Variants in FIGN observed in about 807,000 individuals in gnomAD.
FIGN encodes fidgetin.
A neutral mutation model predicts 51.3 loss-of-function variants in FIGN; 11 were observed. That is an observed-to-expected ratio of 0.21 (90% CI 0.13 to 0.35). The LOEUF (loss-of-function observed/expected upper bound fraction) is 0.35. Among genes scored for constraint, FIGN ranks in the 10% least tolerant of loss-of-function variants. FIGN has a pLI of 1.00. For synonymous variants in FIGN, 407 were observed against 363.2 expected (o/e 1.12, Z -1.37); for missense variants, 857 against 943.6 (o/e 0.91, Z 1.20).
chr2:163,610,560 C>A lies in FIGN; in HGVS notation c.1272G>T (p.Ser424=). 6.2e-7 allele frequency: 1 copy of A among 1,614,106 alleles called. No homozygotes were observed. Among genetic ancestry groups the A allele is most frequent in the Non-Finnish European group, 8.5e-7 (1 of 1,180,032 alleles). Reference sequence around the variant, plus strand: ...CGTCCCCATGCTCACTCATTACTGGCGATGTGTACTTCCCAAAGGATTCAC... The same window carrying A: ...CGTCCCCATGCTCACTCATTACTGGAGATGTGTACTTCCCAAAGGATTCAC... ...RSSESFGKYT[S]PVMSEHGDEH... is the part of the protein sequence containing the mutation. Residue 424 remains serine (S), a synonymous_variant, in exon 3 of 3, where the codon TCG becomes TCT. Coordinates refer to ENST00000333129, the MANE Select transcript of FIGN (RefSeq NM_018086.4).
chr2:163,682,427 G>A (rs559408245), intron 2 of FIGN, among the ~76,000 whole-genome samples: 2 of 152,328 alleles, frequency 1.3e-5, no homozygotes, highest in African/African-American at 2.4e-5. Context: ...TGTCTATGCT[G>A]GAGGAGATAT....
chr2:163,654,053 A>C, intron 2 of FIGN, among the ~76,000 whole-genome samples: 1 of 152,150 alleles, frequency 6.6e-6, no homozygotes, highest in East Asian at 1.9e-4. Context: ...ATTTTGAAGA[A>C]GTGAGAATCT....
At chr2:163,660,722 T>C (rs1465036597) in intron 2 of FIGN, among the ~76,000 whole-genome samples, 2 of 112,944 alleles carry the variant, frequency 1.8e-5, no homozygotes, top group Non-Finnish European at 3.6e-5. Flanking sequence ...TATACATATA[T>C]ATGTATACAC....
chr2:163,664,345 AGATGCT>A (rs1357046920), intron 2 of FIGN, among the ~76,000 whole-genome samples: 1 of 152,232 alleles, frequency 6.6e-6, no homozygotes. Context: ...CCAGTTATAC[AGATGCT>A]GAATACTTTT....
At chr2:163,699,477 G>A (rs988626816) in intron 2 of FIGN, among the ~76,000 whole-genome samples, 2 of 142,106 alleles carry the variant, frequency 1.4e-5, no homozygotes, top group Non-Finnish European at 3.0e-5. Flanking sequence ...ACAATTTTAG[G>A]TTAGTGTATT....
chr2:163,710,810 C>A (rs1039148443), intron 2 of FIGN, among the ~76,000 whole-genome samples: 1 of 152,036 alleles, frequency 6.6e-6, no homozygotes, highest in Non-Finnish European at 1.5e-5. Context: ...AGTTCCTACC[C>A]TCACTCCAGG....
At chr2:163,663,608 C>T (rs1054845245) in intron 2 of FIGN, among the ~76,000 whole-genome samples, 3 of 151,512 alleles carry the variant, frequency 2.0e-5, no homozygotes, top group Non-Finnish European at 4.4e-5. Context: ...GTCTGCCGGG[C>T]ACGGTGGCTC....
intron 2 of FIGN, among the ~76,000 whole-genome samples, 195 bp downstream of exon 2, chr2:163,734,708 A>C (rs548878951): frequency 1.3e-5 from 2 of 152,154 alleles, no homozygotes; most frequent in Admixed American, 6.5e-5. Flanking sequence ...TAATATATTA[A>C]TCAAAACTGC....
chr2:163,683,685 C>A (rs1331622913), intron 2 of FIGN, among the ~76,000 whole-genome samples: 2 of 152,118 alleles, frequency 1.3e-5, no homozygotes, highest in Admixed American at 6.6e-5. Flanking sequence ...CTGGTTCTCA[C>A]CCCCTGGAGA....
At chr2:163,611,912 ATGC>A in intron 2 of FIGN, 106 bp from the exon 3 acceptor site, 1 of 687,724 alleles carries the variant, frequency 1.5e-6, no homozygotes, top group South Asian at 2.5e-5. Context: ...CATTAATGAT[ATGC>A]ATACTTTAAA....
At chr2:163,728,604 C>T (rs767853237) in intron 2 of FIGN, among the ~76,000 whole-genome samples, 1 of 152,100 alleles carries the variant, frequency 6.6e-6, no homozygotes, top group African/African-American at 2.4e-5. Context: ...TTACTCAACT[C>T]TCATTAGTAT....
Position 163,606,678 on chromosome 2 carries a change from A to G in FIGN, c.*2874T>C, listed in dbSNP as rs186053326. ...ATTAAGCTAGTTTATAGAAGAGCTC[A>G]TAATGCTGCCATGCAGAATCAAAGA... On this transcript the variant is annotated 3_prime_UTR_variant, in exon 3 of 3. Transcript: ENST00000333129. 2.0e-5 allele frequency: 3 copies of G among 152,214 alleles called. No homozygotes were observed. The highest frequency in any genetic ancestry group is 7.2e-5 in the African/African-American group (3 of 41,470). The allele number at this position is 152,214 out of a possible 1,614,324, so 9.4% of individuals were successfully genotyped here. A position where few individuals can be genotyped will look rare whatever the true frequency, so the allele number is the denominator to read the frequency against.
In FIGN at chr2:163,624,706, ATAT is replaced by A. The variant is rs1478785139; in HGVS notation, c.26-12903_26-12901del. On this transcript the variant is annotated intron_variant, in intron 2 of 2. Transcript: ENST00000333129. ...TATATACATACATATATATATATAT[ATAT>A]TTTTTTTTTTCCTAGACAAGCTGTC... 1.2e-3 allele frequency among the ~76,000 whole-genome samples: 156 copies of A among 133,808 alleles called. 1 individual carries two copies. Among genetic ancestry groups the A allele is most frequent in the African/African-American group, 4.3e-3 (149 of 34,826 alleles). The allele number at this position is 133,808 out of a possible 152,430, so 87.8% of individuals were successfully genotyped here.
At chr2:163,614,058 C>T (rs1682824231) in intron 2 of FIGN, among the ~76,000 whole-genome samples, 1 of 152,090 alleles carries the variant, frequency 6.6e-6, no homozygotes. Context: ...ATTAAATAAT[C>T]TCATTGAATG....
At chr2:163,631,132 G>C (rs1384613655) in intron 2 of FIGN, among the ~76,000 whole-genome samples, 1 of 152,098 alleles carries the variant, frequency 6.6e-6, no homozygotes, top group Non-Finnish European at 1.5e-5. Flanking sequence ...TGAATTTGCA[G>C]TTCATACCCA....
At chr2:163,724,479 T>C (rs1559033631) in intron 2 of FIGN, among the ~76,000 whole-genome samples, 1 of 152,104 alleles carries the variant, frequency 6.6e-6, no homozygotes, top group Non-Finnish European at 1.5e-5. Flanking sequence ...ATCTAACTGA[T>C]CTGGTGTAGG....
intron 2 of FIGN, among the ~76,000 whole-genome samples, chr2:163,643,548 G>A (rs1312016019): frequency 6.6e-6 from 1 of 151,700 alleles, no homozygotes; most frequent in East Asian, 1.9e-4. Context: ...CTACTCAGGA[G>A]GCTGAGACAA....
rs1009560674 is a variant in FIGN, at chr2:163,609,346, G to T, written c.*206C>A. 1 of 576,656 alleles carries T rather than the reference G, an allele frequency of 1.7e-6. No homozygotes were observed. The highest frequency in any genetic ancestry group is 3.2e-5 in the Admixed American group (1 of 31,682). The allele number at this position is 576,656 out of a possible 1,614,324, so 35.7% of individuals were successfully genotyped here. A position where few individuals can be genotyped will look rare whatever the true frequency, so the allele number is the denominator to read the frequency against. ...AACTGAGCATCCACATATGCTTTCTGTCATCTGGGGCTTTCAAATCAGAAG... is the reference window on the plus strand; with the variant it reads ...AACTGAGCATCCACATATGCTTTCTTTCATCTGGGGCTTTCAAATCAGAAG... On this transcript the variant is annotated 3_prime_UTR_variant, in exon 3 of 3. Coordinates refer to ENST00000333129, the MANE Select transcript of FIGN (RefSeq NM_018086.4).
chr2:163,676,414 A>G (rs1467429224), intron 2 of FIGN, among the ~76,000 whole-genome samples: 40 of 138,914 alleles, frequency 2.9e-4, no homozygotes, highest in African/African-American at 9.9e-4. Flanking sequence ...ATATAATTAA[A>G]ACATCTCATG....
Sources: gnomAD v4.1 joint callset for allele counts (sites outside exome capture counted in the v4.1 genomes callset) on GRCh38, gnomAD v4.1.1 for gene constraint, MANE v1.5 for transcripts, NCBI Gene and HGNC (gene_info 2026-07-23, HGNC 2026-07-21) for gene names.